AKAP6: variants seen among roughly 807,000 people sequenced by gnomAD.
AKAP6 encodes the protein A-kinase anchor protein 6.
In AKAP6, 58 loss-of-function variants were observed where a neutral mutation model predicts 188.5. That is an observed-to-expected ratio of 0.31 (90% CI 0.25 to 0.38). The LOEUF is 0.38. Among genes scored for constraint, AKAP6 ranks in the 10% least tolerant of loss-of-function variants. The pLI is 1.00. For synonymous variants in AKAP6, 989 were observed against 998.6 expected (o/e 0.99, Z 0.18); for missense variants, 2,710 against 2,740.0 (o/e 0.99, Z 0.24).
intron 1 of AKAP6, among the ~76,000 whole-genome samples, chr14:32,362,564 G>T (rs1331157710): frequency 6.6e-6 from 1 of 152,146 alleles, no homozygotes; most frequent in Non-Finnish European, 1.5e-5. Context: ...TAGACTAGTG[G>T]TAGTGGGGTT....
chr14:32,636,414 G>A (rs960927892), intron 7 of AKAP6, among the ~76,000 whole-genome samples: 2 of 152,072 alleles, frequency 1.3e-5, no homozygotes, highest in Non-Finnish European at 2.9e-5. Flanking sequence ...TTAAATCAAG[G>A]CAGCTAAATT....
intron 9 of AKAP6, among the ~76,000 whole-genome samples, chr14:32,720,424 T>C (rs140542613): frequency 8.7e-4 from 133 of 152,336 alleles, no homozygotes; most frequent in Non-Finnish European, 1.3e-3. Flanking sequence ...ACTTAGGAGA[T>C]AGATGGTCAA....
chr14:32,330,716 T>TTC (rs1886506846), intron 1 of AKAP6, among the ~76,000 whole-genome samples: 1 of 110,820 alleles, frequency 9.0e-6, no homozygotes, highest in Non-Finnish European at 2.0e-5. Context: ...TGGAGTGATT[T>TTC]TTTTTTTTTT....
intron 12 of AKAP6, among the ~76,000 whole-genome samples, chr14:32,797,753 C>G (rs2033815092): frequency 6.6e-6 from 1 of 151,846 alleles, no homozygotes; most frequent in Non-Finnish European, 1.5e-5. Flanking sequence ...ACCTGCACAT[C>G]CTGTACATGT....
chr14:32,786,664 G>T (rs1032326598), intron 12 of AKAP6, among the ~76,000 whole-genome samples: 1 of 151,810 alleles, frequency 6.6e-6, no homozygotes, highest in African/African-American at 2.4e-5. Flanking sequence ...TGCCTTTCCT[G>T]TCTGTTTTCT....
chr14:32,349,850 TGTA>T (rs1220399145), intron 1 of AKAP6, among the ~76,000 whole-genome samples: 4 of 152,160 alleles, frequency 2.6e-5, no homozygotes, highest in African/African-American at 9.7e-5. Context: ...GTGAGTATCA[TGTA>T]GTTCAAGAAT....
intron 12 of AKAP6, among the ~76,000 whole-genome samples, chr14:32,779,896 C>A (rs2033188749): frequency 6.6e-6 from 1 of 151,944 alleles, no homozygotes; most frequent in Non-Finnish European, 1.5e-5. Flanking sequence ...AAAAAGGGAA[C>A]CCTTGTCCAC....
intron 3 of AKAP6, among the ~76,000 whole-genome samples, chr14:32,541,931 A>T (rs1882973521): frequency 6.6e-6 from 1 of 152,212 alleles, no homozygotes. Context: ...TATTTTGTGC[A>T]GTATAATTTA....
At chr14:32,662,613 T>G (rs1324696138) in intron 7 of AKAP6, among the ~76,000 whole-genome samples, 3 of 152,116 alleles carry the variant, frequency 2.0e-5, no homozygotes, top group African/African-American at 4.8e-5. Flanking sequence ...CATGTGTACT[T>G]CAAATGGCAT....
intron 3 of AKAP6, 52 bp from the exon 4 acceptor site, chr14:32,545,178 A>G: frequency 6.6e-7 from 1 of 1,511,026 alleles, no homozygotes; most frequent in South Asian, 1.2e-5. Context: ...ATAGCAGCTG[A>G]TGTTGTAATT....
At chr14:32,345,291 T>C (rs1887032245) in intron 1 of AKAP6, among the ~76,000 whole-genome samples, 1 of 152,210 alleles carries the variant, frequency 6.6e-6, no homozygotes, top group South Asian at 2.1e-4. Flanking sequence ...TTCACATTTT[T>C]CCCACAGGTA....
chr14:32,725,285 A>C (rs1037171362), intron 9 of AKAP6, among the ~76,000 whole-genome samples: 2 of 152,194 alleles, frequency 1.3e-5, no homozygotes, highest in African/African-American at 4.8e-5. Context: ...TCCCGAGGTC[A>C]TGTCAAGGTT....
intron 6 of AKAP6, 40 bp from the exon 7 acceptor site, chr14:32,600,589 T>G (rs1376842009): frequency 1.9e-6 from 3 of 1,556,652 alleles, no homozygotes; most frequent in Non-Finnish European, 2.6e-6. Flanking sequence ...AAAGATTCAT[T>G]CAGGCCCACA....
At chr14:32,430,205 ATC>A (rs1467607152) in intron 1 of AKAP6, among the ~76,000 whole-genome samples, 2 of 152,194 alleles carry the variant, frequency 1.3e-5, no homozygotes, top group African/African-American at 4.8e-5. Context: ...CAGCTTTGAA[ATC>A]TCTGGATAAA....
Position 32,330,713 on chromosome 14 carries a change from ATTTTTTTT to A in AKAP6, c.-35+1328_-35+1335del, listed in dbSNP as rs35147196. Among the ~76,000 whole-genome samples, 101 of 62,388 alleles carry A rather than the reference ATTTTTTTT, an allele frequency of 1.6e-3. 2 individuals carry two copies. In the East Asian group the frequency reaches 0.04, roughly 25 times the overall value. The allele number at this position is 62,388 out of a possible 152,430, so 40.9% of individuals were successfully genotyped here. Reference sequence around the variant, plus strand: ...CAATACCTTTAGCTAGCTTGGAGTGATTTTTTTTTTTTTTTTTTTTTTTTTTTTTTGCA... The same window carrying A: ...CAATACCTTTAGCTAGCTTGGAGTGATTTTTTTTTTTTTTTTTTTTTTGCA... On this transcript the variant is annotated intron_variant, in intron 1 of 13. Transcript: ENST00000280979.
At chr14:32,750,440 G>C (rs768864768) in intron 11 of AKAP6, among the ~76,000 whole-genome samples, 1 of 152,018 alleles carries the variant, frequency 6.6e-6, no homozygotes, top group Non-Finnish European at 1.5e-5. Context: ...AAGTAATTCA[G>C]GTCTAGCTTG....
chr14:32,398,672 G>A (rs1888959169), intron 1 of AKAP6, among the ~76,000 whole-genome samples: 1 of 151,972 alleles, frequency 6.6e-6, no homozygotes, highest in African/African-American at 2.4e-5. Context: ...TTGTCAAACT[G>A]TAGGCCTTTA....
At chr14:32,500,954 A>C (rs1880580290) in intron 2 of AKAP6, among the ~76,000 whole-genome samples, 1 of 152,118 alleles carries the variant, frequency 6.6e-6, no homozygotes, top group South Asian at 2.1e-4. Flanking sequence ...TCAAGCCCTG[A>C]AGTTTCCCAT....
intron 1 of AKAP6, among the ~76,000 whole-genome samples, chr14:32,336,186 A>G (rs1172778544): frequency 6.6e-6 from 1 of 152,032 alleles, no homozygotes; most frequent in Admixed American, 6.6e-5. Context: ...ATGGGTATGA[A>G]TGATGGCACT....
Sources: gnomAD v4.1 joint callset for allele counts (sites outside exome capture counted in the v4.1 genomes callset) on GRCh38, gnomAD v4.1.1 for gene constraint, MANE v1.5 for transcripts, NCBI Gene and HGNC (gene_info 2026-07-23, HGNC 2026-07-21) for gene names.